The following WDR70 variants were observed in gnomAD, a reference collection of about 807,000 sequenced individuals.
The protein encoded by WDR70 is WD repeat domain 70.
Under a neutral mutation model 88.6 loss-of-function variants are expected in WDR70, and 53 were observed. That is an observed-to-expected ratio of 0.60 (90% CI 0.48 to 0.75). The LOEUF is 0.75. Among genes scored for constraint, WDR70 ranks in the 30% least tolerant of loss-of-function variants. The probability of loss-of-function intolerance (pLI) is 0.00; values close to 1 mark genes in which losing one functional copy is unlikely to be tolerated. For missense variants in WDR70, 610 were observed against 823.2 expected (o/e 0.74, Z 3.17); for synonymous variants, 280 against 270.0 (o/e 1.04, Z -0.36).
chr5:37,527,915 A>G (rs1435577629), intron 9 of WDR70, among the ~76,000 whole-genome samples: 1 of 152,238 alleles, frequency 6.6e-6, no homozygotes, highest in South Asian at 2.1e-4. Flanking sequence ...AATTCAAATC[A>G]AAACCACAAT....
chr5:37,473,103 TG>T (rs1235663708), intron 7 of WDR70, among the ~76,000 whole-genome samples: 1 of 151,994 alleles, frequency 6.6e-6, no homozygotes, highest in Non-Finnish European at 1.5e-5. Context: ...TGATACCTTG[TG>T]TTTTTTTGTT....
In WDR70 at chr5:37,568,491, A is replaced by G. The variant is rs75426658; in HGVS notation, c.918-36573A>G. Among the ~76,000 whole-genome samples, 846 of 152,300 alleles carry G rather than the reference A, an allele frequency of 5.6e-3. 12 individuals carry two copies. Among genetic ancestry groups the G allele is most frequent in the African/African-American group, 0.019 (806 of 41,568 alleles). ...ATAAACAAGAATGCACTATATTACA[A>G]TCACTGTTCTCTGAAATCAGTGGGG... On this transcript the variant is annotated intron_variant, in intron 9 of 17. Coordinates refer to ENST00000265107, the MANE Select transcript of WDR70 (RefSeq NM_018034.4).
chr5:37,439,197 T>C (rs1750576352), intron 6 of WDR70, among the ~76,000 whole-genome samples: 1 of 152,084 alleles, frequency 6.6e-6, no homozygotes, highest in East Asian at 1.9e-4. Context: ...GGATTACAGG[T>C]GTGAGCCACC....
chr5:37,506,846 T>C, intron 8 of WDR70: 1 of 1,256,328 alleles, frequency 8.0e-7, no homozygotes, highest in South Asian at 1.2e-5. Context: ...AGGAACAGGG[T>C]CACCCGCCTC....
chr5:37,699,806 G>C (rs1344953626), intron 11 of WDR70, among the ~76,000 whole-genome samples: 1 of 151,810 alleles, frequency 6.6e-6, no homozygotes, highest in Non-Finnish European at 1.5e-5. Context: ...AAATTAGCTG[G>C]ATGTAGTGGC....
intron 17 of WDR70, among the ~76,000 whole-genome samples, chr5:37,737,023 G>T (rs1003277974): frequency 6.6e-6 from 1 of 151,948 alleles, no homozygotes; most frequent in African/African-American, 2.4e-5. Context: ...CTGCTATATT[G>T]TGTTTAACAT....
At chr5:37,399,142 G>T (rs1035160337) in intron 5 of WDR70, among the ~76,000 whole-genome samples, 1 of 152,224 alleles carries the variant, frequency 6.6e-6, no homozygotes. Flanking sequence ...GCCGGGCATG[G>T]TGGTGGGCGC....
chr5:37,568,850 C>A (rs1742818915), intron 9 of WDR70, among the ~76,000 whole-genome samples: 1 of 152,134 alleles, frequency 6.6e-6, no homozygotes, highest in Non-Finnish European at 1.5e-5. Context: ...GGCCTTATAA[C>A]TTGCTTTGGC....
intron 13 of WDR70, 65 bp downstream of exon 13, chr5:37,703,152 G>GTT: frequency 6.4e-7 from 1 of 1,565,594 alleles, no homozygotes; most frequent in Non-Finnish European, 8.7e-7. Context: ...CCATCTTTTG[G>GTT]TTTTGTTTGT....
At chr5:37,720,674 A>G (rs1262409139) in intron 13 of WDR70, among the ~76,000 whole-genome samples, 1 of 152,132 alleles carries the variant, frequency 6.6e-6, no homozygotes, top group African/African-American at 2.4e-5. Flanking sequence ...TGAGATTTGG[A>G]TCTTTGTGAA....
At chr5:37,410,144 T>G (rs1320773345) in intron 5 of WDR70, among the ~76,000 whole-genome samples, 1 of 151,566 alleles carries the variant, frequency 6.6e-6, no homozygotes, top group African/African-American at 2.4e-5. Flanking sequence ...GCCTCCTAAG[T>G]AGCTAGGACT....
intron 10 of WDR70, among the ~76,000 whole-genome samples, chr5:37,638,358 G>A (rs572076660): frequency 3.3e-5 from 5 of 152,216 alleles, no homozygotes; most frequent in East Asian, 3.9e-4. Flanking sequence ...TCGGAAGTAT[G>A]CCTGGATTCA....
At chr5:37,650,148 A>G (rs1424639126) in intron 10 of WDR70, among the ~76,000 whole-genome samples, 1 of 150,580 alleles carries the variant, frequency 6.6e-6, no homozygotes, top group Non-Finnish European at 1.5e-5. Context: ...CTGTAATCCC[A>G]GCACTTTGGG....
At chr5:37,725,132 T>G in intron 16 of WDR70, 82 bp downstream of exon 16, 1 of 1,093,834 alleles carries the variant, frequency 9.1e-7, no homozygotes, top group South Asian at 1.4e-5. Flanking sequence ...GAAGGTCTTT[T>G]GGGCCTGGAT....
rs55870531 is a variant in WDR70 at position 37,719,844 on chromosome 5, CT to C, written c.1417-1257del. Among the ~76,000 whole-genome samples, 209 of 141,102 alleles carry C rather than the reference CT, an allele frequency of 1.5e-3. 2 individuals are homozygous for C. The highest frequency in any genetic ancestry group is 3.3e-3 in the East Asian group (16 of 4,844). 92.6% of individuals were successfully genotyped at this position (141,102 alleles called of 152,430 possible). A position where few individuals can be genotyped will look rare whatever the true frequency, so the allele number is the denominator to read the frequency against. ...TGTTTTTTTCTTTCTTTCTTTCTTT[CT>C]TTTTTTTTTTTTTAAGAGACAGAGT... On this transcript the variant is annotated intron_variant, in intron 13 of 17. Coordinates refer to ENST00000265107, the MANE Select transcript of WDR70 (RefSeq NM_018034.4).
chr5:37,704,164 A>G (rs111903143), intron 13 of WDR70, among the ~76,000 whole-genome samples: 4 of 152,244 alleles, frequency 2.6e-5, no homozygotes, highest in Non-Finnish European at 4.4e-5. Context: ...TTCTAATCTC[A>G]TGACGTAATT....
At chr5:37,691,692 C>G (rs1017253264) in intron 10 of WDR70, among the ~76,000 whole-genome samples, 1 of 152,194 alleles carries the variant, frequency 6.6e-6, no homozygotes, top group East Asian at 1.9e-4. Flanking sequence ...ACCAGAATCT[C>G]TGGGTCACAT....
At chr5:37,415,606 G>A (rs1305448972) in intron 5 of WDR70, among the ~76,000 whole-genome samples, 1 of 136,138 alleles carries the variant, frequency 7.3e-6, no homozygotes, top group African/African-American at 2.6e-5. Flanking sequence ...CTGGCCGGGC[G>A]AGGGGCTGAC....
intron 8 of WDR70, among the ~76,000 whole-genome samples, chr5:37,503,874 A>G (rs1561878377): frequency 6.6e-6 from 1 of 152,052 alleles, no homozygotes; most frequent in Non-Finnish European, 1.5e-5. Flanking sequence ...TAGGAATTCA[A>G]CCATTTCCTC....
Sources: gnomAD v4.1 joint callset for allele counts (sites outside exome capture counted in the v4.1 genomes callset) on GRCh38, gnomAD v4.1.1 for gene constraint, MANE v1.5 for transcripts, NCBI Gene and HGNC (gene_info 2026-07-23, HGNC 2026-07-21) for gene names.